The following DAPK1 variants were observed in gnomAD, a reference collection of about 807,000 sequenced individuals.
DAPK1 encodes death-associated protein kinase 1.
In DAPK1, 56 loss-of-function variants were observed where a neutral mutation model predicts 144.9. The observed-to-expected ratio is 0.39, with a 90% CI of 0.31 to 0.48. The LOEUF (loss-of-function observed/expected upper bound fraction) is 0.48. DAPK1 is among the 20% of genes least tolerant of loss of function. DAPK1 has a pLI of 0.95. For synonymous variants in DAPK1, 690 were observed against 749.0 expected, an observed-to-expected ratio of 0.92 and a Z score of 1.29; for missense variants, 1,454 against 1,875.4, an observed-to-expected ratio of 0.78 and a Z score of 4.15.
chr9:87,703,232 G>T lies in DAPK1; in HGVS notation c.3060+15G>T, dbSNP rs745630038. On this transcript the variant is annotated intron_variant, in intron 25 of 25. Transcript: ENST00000408954. ...GCACAGGCGAGGTGAGCCCCTGGGA[G>T]CCCAGGCAGGGGGCCGTGAGAGGTG... 1.5e-5 allele frequency: 23 copies of T among 1,554,176 alleles called. No individual in the cohort carries two copies. In the African/African-American group the frequency reaches 1.8e-4, roughly 12 times the overall value.
At chr9:87,602,395 G>A (rs1269827356) in intron 2 of DAPK1, among the ~76,000 whole-genome samples, 1 of 152,146 alleles carries the variant, frequency 6.6e-6, no homozygotes, top group Non-Finnish European at 1.5e-5. Context: ...CCCAGGTTTT[G>A]CTGTAAACGA....
chr9:87,547,621 G>C (rs1367780029), intron 2 of DAPK1, among the ~76,000 whole-genome samples: 1 of 151,792 alleles, frequency 6.6e-6, no homozygotes, highest in Non-Finnish European at 1.5e-5. Context: ...GTGTAGAGGA[G>C]GGGATTGATT....
chr9:87,502,147 A>G (rs1397758436), intron 2 of DAPK1, among the ~76,000 whole-genome samples: 2 of 151,976 alleles, frequency 1.3e-5, no homozygotes, highest in African/African-American at 2.4e-5. Flanking sequence ...TTGGGAGGGG[A>G]TGCCTTATAG....
chr9:87,604,434 T>C (rs1828641450), intron 2 of DAPK1, among the ~76,000 whole-genome samples: 1 of 152,244 alleles, frequency 6.6e-6, no homozygotes, highest in African/African-American at 2.4e-5. Context: ...TTGGTACATA[T>C]GACTTATCAG....
chr9:87,644,799 C>A (rs566475605), intron 11 of DAPK1, among the ~76,000 whole-genome samples: 1 of 152,210 alleles, frequency 6.6e-6, no homozygotes, highest in East Asian at 1.9e-4. Context: ...TGGAAAGATA[C>A]CCTCCCAGAG....
At chr9:87,591,630 T>TG (rs1828137890) in intron 2 of DAPK1, among the ~76,000 whole-genome samples, 1 of 152,220 alleles carries the variant, frequency 6.6e-6, no homozygotes, top group Admixed American at 6.5e-5. Flanking sequence ...TAAAAGCTAA[T>TG]GCATTGGTGG....
intron 2 of DAPK1, among the ~76,000 whole-genome samples, chr9:87,577,284 C>T (rs570781448): frequency 7.7e-4 from 117 of 152,208 alleles, no homozygotes; most frequent in African/African-American, 2.4e-3. Flanking sequence ...ATTGGAAACT[C>T]GGGGTGGGGC....
intron 2 of DAPK1, among the ~76,000 whole-genome samples, chr9:87,540,183 C>CTTTTTTTTTTT (rs33925780): frequency 1.5e-5 from 1 of 66,130 alleles, no homozygotes; most frequent in African/African-American, 5.8e-5. Flanking sequence ...TTGTTAATCT[C>CTTTTTTTTTTT]TTTTTTTTTT....
At chr9:87,587,340 T>C (rs571640992) in intron 2 of DAPK1, among the ~76,000 whole-genome samples, 1 of 152,356 alleles carries the variant, frequency 6.6e-6, no homozygotes, top group East Asian at 1.9e-4. Flanking sequence ...TGAACATTTC[T>C]CAGGAGCATG....
chr9:87,673,292 G>C (rs993452605), intron 19 of DAPK1, among the ~76,000 whole-genome samples: 1 of 152,222 alleles, frequency 6.6e-6, no homozygotes, highest in Non-Finnish European at 1.5e-5. Context: ...GGACAGCTGA[G>C]GATGGTGGCC....
chr9:87,546,047 A>G lies in DAPK1; in HGVS notation c.62+46908A>G, dbSNP rs36231467. On this transcript the variant is annotated intron_variant, in intron 2 of 25. Coordinates refer to ENST00000408954, the MANE Select transcript of DAPK1 (RefSeq NM_004938.4). Reference sequence around the variant, plus strand: ...CATAGCATAGAGGGTTGAGTCATAGAGTCCAGCCAGCTCCTTGGCTGGGAA... The same window carrying G: ...CATAGCATAGAGGGTTGAGTCATAGGGTCCAGCCAGCTCCTTGGCTGGGAA... Among the ~76,000 whole-genome samples, 4 of 152,312 alleles carry G rather than the reference A, an allele frequency of 2.6e-5. No homozygotes were observed. In the East Asian group the frequency reaches 7.7e-4, roughly 29 times the overall value.
At chr9:87,681,700 G>C (rs1225543232) in intron 20 of DAPK1, 74 bp downstream of exon 20, 2 of 801,670 alleles carry the variant, frequency 2.5e-6, no homozygotes, top group South Asian at 1.4e-5. Flanking sequence ...AAGGTCTAGG[G>C]GGGAAGGGAG....
chr9:87,609,213 G>A (rs931050608), intron 3 of DAPK1, among the ~76,000 whole-genome samples: 2 of 152,148 alleles, frequency 1.3e-5, no homozygotes, highest in African/African-American at 4.8e-5. Flanking sequence ...TGATGGCTTG[G>A]GCTGGAACTA....
intron 2 of DAPK1, among the ~76,000 whole-genome samples, chr9:87,572,346 C>T (rs1051617366): frequency 3.9e-5 from 6 of 152,120 alleles, no homozygotes; most frequent in East Asian, 1.9e-4. Context: ...TCCTTGAAGT[C>T]GTGCCGTTAT....
intron 17 of DAPK1, among the ~76,000 whole-genome samples, chr9:87,654,856 A>G (rs1186935746): frequency 3.9e-5 from 6 of 152,092 alleles, no homozygotes; most frequent in African/African-American, 1.4e-4. Context: ...CTCAACAGGG[A>G]ATGTGTTCTT....
rs36229267 is a variant in DAPK1, at chr9:87,515,510, G to C, written c.62+16371G>C. ...TAGATGGTCTTTTGGATGGGGATAG[G>C]CTTGTTTTGGGGGCACTGGGGGTCA... On this transcript the variant is annotated intron_variant, in intron 2 of 25. Transcript: ENST00000408954. Among the ~76,000 whole-genome samples the C allele has an allele frequency of 8.0e-3, 1,219 of 152,252 alleles. 28 individuals are homozygous for C. In the East Asian group the frequency reaches 0.086, roughly 11 times the overall value.
At chr9:87,676,888 C>A (rs182619067) in intron 19 of DAPK1, among the ~76,000 whole-genome samples, 3 of 152,342 alleles carry the variant, frequency 2.0e-5, no homozygotes, top group South Asian at 2.1e-4. Flanking sequence ...TTCTGAGGAA[C>A]CTGCCACCTC....
At chr9:87,677,205 T>A (rs893135508) in intron 19 of DAPK1, among the ~76,000 whole-genome samples, 2 of 152,188 alleles carry the variant, frequency 1.3e-5, no homozygotes, top group Admixed American at 6.5e-5. Context: ...ACAGGCAGAT[T>A]GCCAGGAGCT....
At chr9:87,664,332 C>T (rs1207790183) in intron 18 of DAPK1, among the ~76,000 whole-genome samples, 1 of 152,156 alleles carries the variant, frequency 6.6e-6, no homozygotes, top group African/African-American at 2.4e-5. Context: ...CATAGTGTGC[C>T]CACAGCATCA....
Sources: allele counts gnomAD v4.1 joint callset (sites outside exome capture counted in the v4.1 genomes callset), GRCh38; gene constraint gnomAD v4.1.1; transcripts MANE v1.5; gene names NCBI Gene and HGNC (gene_info 2026-07-23, HGNC 2026-07-21).